ASTN2: variants seen among roughly 807,000 people sequenced by gnomAD.
ASTN2 encodes astrotactin 2, also known as astrotactin-2.
A neutral mutation model predicts 139.8 loss-of-function variants in ASTN2; 54 were observed. The observed-to-expected ratio is 0.39, with a 90% CI of 0.31 to 0.48. The LOEUF is 0.48. Ranked by LOEUF, ASTN2 falls within the 20% of genes least tolerant of loss-of-function variation. The probability of loss-of-function intolerance (pLI) is 0.95; values close to 1 mark genes in which losing one functional copy is unlikely to be tolerated. For missense variants in ASTN2, 1,565 were observed against 1,725.1 expected (o/e 0.91, Z 1.64); for synonymous variants, 756 against 719.5 (o/e 1.05, Z -0.81).
intron 3 of ASTN2, among the ~76,000 whole-genome samples, chr9:117,198,841 T>TA (rs1188641682): frequency 6.6e-6 from 1 of 152,136 alleles, no homozygotes; most frequent in Non-Finnish European, 1.5e-5. Flanking sequence ...TGACTGGCAT[T>TA]AGATGGTATC....
At position 117,414,647 on chromosome 9, in the gene ASTN2, C is replaced by CGGA; in HGVS notation, c.291_292insTCC (p.Gly97_Ala98insSer). 1 of 1,378,858 alleles carries CGGA rather than the reference C, an allele frequency of 7.3e-7. No individual in the cohort carries two copies. The highest frequency in any genetic ancestry group is 9.3e-7 in the Non-Finnish European group (1 of 1,071,216). 85.4% of individuals were successfully genotyped at this position (1,378,858 alleles called of 1,614,324 possible). A position where few individuals can be genotyped will look rare whatever the true frequency, so the allele number is the denominator to read the frequency against. The stretch of plus-strand genomic sequence containing the variant: ...CCCGGGGACGCGGCGGCGGCGGCGG[C>CGGA]TCCGGCCCCGGTCCCAGCCCCGGCC... On this transcript the variant is annotated inframe_insertion, in exon 1 of 23. Coordinates refer to ENST00000313400, the MANE Select transcript of ASTN2 (RefSeq NM_001365068.1). This position sits in a 1 kb window ranked among gnomAD's most constrained non-coding sequence, Gnocchi z 4.2.
chr9:116,665,808 C>A (rs1277731628), intron 16 of ASTN2, among the ~76,000 whole-genome samples: 2 of 152,196 alleles, frequency 1.3e-5, no homozygotes, highest in African/African-American at 2.4e-5. Context: ...AACAAATACA[C>A]TTCCATTAAT....
chr9:116,617,673 T>C (rs941859319), intron 19 of ASTN2, among the ~76,000 whole-genome samples: 30 of 152,172 alleles, frequency 2.0e-4, no homozygotes, highest in African/African-American at 6.8e-4. Flanking sequence ...AAAAAACAGA[T>C]GTCTAATTGA....
At position 117,406,406 on chromosome 9, in the gene ASTN2, C is replaced by G. The variant is rs548197974; in HGVS notation, c.442+8091G>C. ...CAGAGCTCTTGATTTCACTCAGAGTCAAAGCCCAAATCCTGACAGTAGTCT... is the reference window on the plus strand; with the variant it reads ...CAGAGCTCTTGATTTCACTCAGAGTGAAAGCCCAAATCCTGACAGTAGTCT... On this transcript the variant is annotated intron_variant, in intron 1 of 22. Transcript: ENST00000313400. 2.6e-5 allele frequency among the ~76,000 whole-genome samples: 4 copies of G among 152,260 alleles called. No individual in the cohort carries two copies. In the South Asian group the frequency reaches 8.3e-4, roughly 32 times the overall value.
At chr9:116,644,497 G>T (rs1161579624) in intron 17 of ASTN2, among the ~76,000 whole-genome samples, 1 of 152,140 alleles carries the variant, frequency 6.6e-6, no homozygotes, top group Non-Finnish European at 1.5e-5. Context: ...TGAGAAAACT[G>T]AGCCTTGGAA....
intron 3 of ASTN2, among the ~76,000 whole-genome samples, chr9:117,150,229 C>T (rs948883348): frequency 6.6e-6 from 1 of 152,174 alleles, no homozygotes; most frequent in Non-Finnish European, 1.5e-5. Context: ...TTCCATCATC[C>T]TGTGTTCCTA....
At chr9:117,214,791 C>A in intron 2 of ASTN2, 49 bp from the exon 3 acceptor site, 1 of 1,425,524 alleles carries the variant, frequency 7.0e-7, no homozygotes, top group Non-Finnish European at 9.2e-7. Context: ...TCTTTGGAAT[C>A]GAGGGCTGCA....
intron 3 of ASTN2, chr9:117,181,040 C>A: frequency 6.5e-7 from 1 of 1,532,738 alleles, no homozygotes. Context: ...AGCGCAAGGT[C>A]AGAAACATAA....
chr9:116,661,506 T>A (rs1473461501), intron 16 of ASTN2, among the ~76,000 whole-genome samples: 1 of 152,128 alleles, frequency 6.6e-6, no homozygotes, highest in African/African-American at 2.4e-5. Context: ...TTTGTTTCAA[T>A]CCTTGTGGTA....
In ASTN2 at chr9:117,304,327, G is replaced by A. The variant is rs75290753; in HGVS notation, c.443-12814C>T. Among the ~76,000 whole-genome samples, 11 of 152,222 alleles carry A rather than the reference G, an allele frequency of 7.2e-5. No individual in the cohort carries two copies. In the East Asian group the frequency reaches 1.9e-3, roughly 27 times the overall value. On this transcript the variant is annotated intron_variant, in intron 1 of 22. Transcript: ENST00000313400. The stretch of plus-strand genomic sequence containing the variant: ...GGCTTTCCTGCTCTGTGCGTGTCAC[G>A]CTATATGTAATCATTGCTTCAGTTA...
intron 2 of ASTN2, among the ~76,000 whole-genome samples, chr9:117,215,577 G>T (rs2133024746): frequency 6.6e-6 from 1 of 151,956 alleles, no homozygotes; most frequent in Non-Finnish European, 1.5e-5. Flanking sequence ...AAGCTAATGT[G>T]TTAATGCACA....
chr9:116,854,177 G>A (rs1001632378), intron 11 of ASTN2, among the ~76,000 whole-genome samples: 5 of 152,102 alleles, frequency 3.3e-5, no homozygotes, highest in African/African-American at 9.7e-5. Context: ...ATCCACCTCA[G>A]AAGCCTTGAA....
chr9:117,339,725 T>G (rs1412908734), intron 1 of ASTN2, among the ~76,000 whole-genome samples: 1 of 151,490 alleles, frequency 6.6e-6, no homozygotes, highest in Non-Finnish European at 1.5e-5. Context: ...CATTAGTAAA[T>G]AGATTACCCA....
intron 6 of ASTN2, among the ~76,000 whole-genome samples, chr9:117,030,105 A>T (rs764640462): frequency 1.3e-5 from 2 of 152,146 alleles, no homozygotes; most frequent in Non-Finnish European, 2.9e-5. Flanking sequence ...TGGAATGCAC[A>T]TCTCCTGGGC....
At chr9:116,597,478 G>C (rs10983258) in intron 19 of ASTN2, among the ~76,000 whole-genome samples, 1 of 151,678 alleles carries the variant, frequency 6.6e-6, no homozygotes, top group African/African-American at 2.4e-5. Context: ...ATTTAGTAGA[G>C]ACGGGCTTTC....
intron 5 of ASTN2, among the ~76,000 whole-genome samples, chr9:117,040,896 G>C (rs7023984): frequency 0.53 from 81,243 of 152,032 alleles, 22,413 homozygotes; most frequent in African/African-American, 0.65. Context: ...TTTCACAAGC[G>C]TTTACTGAGC....
At chr9:116,782,099 G>A (rs1830234995) in intron 13 of ASTN2, among the ~76,000 whole-genome samples, 2 of 152,148 alleles carry the variant, frequency 1.3e-5, no homozygotes. Context: ...GGCAACTACA[G>A]TTTGGGGAAG....
At position 116,699,795 on chromosome 9, in the gene ASTN2, G is replaced by C; in HGVS notation, c.2806+25976C>G. Reference sequence around the variant, plus strand: ...TAGTGGCACATGCAGAATAGACTCAGCCTATGTCCTGATTCCAGCTGGGTA... The same window carrying C: ...TAGTGGCACATGCAGAATAGACTCACCCTATGTCCTGATTCCAGCTGGGTA... On this transcript the variant is annotated intron_variant, in intron 16 of 22. Transcript: ENST00000313400. This position sits in a 1 kb window ranked among gnomAD's most constrained non-coding sequence, Gnocchi z 4.2. The C allele has an allele frequency of 1.3e-6, 2 of 1,565,908 alleles. No homozygotes were observed. Among genetic ancestry groups the C allele is most frequent in the Non-Finnish European group, 1.8e-6 (2 of 1,140,602 alleles).
At chr9:117,017,796 T>C (rs190745288) in intron 6 of ASTN2, among the ~76,000 whole-genome samples, 12 of 152,284 alleles carry the variant, frequency 7.9e-5, no homozygotes, top group Non-Finnish European at 1.3e-4. Flanking sequence ...CATGTGTATA[T>C]ACAATTGGTA....
Sources: gnomAD v4.1 joint callset for allele counts (sites outside exome capture counted in the v4.1 genomes callset) on GRCh38, gnomAD v4.1.1 for gene constraint, Gnocchi (gnomAD v3.1) non-coding constraint, MANE v1.5 for transcripts, NCBI Gene and HGNC (gene_info 2026-07-23, HGNC 2026-07-21) for gene names.